DENND1A: variants seen among roughly 807,000 people sequenced by gnomAD.
DENND1A encodes DENN domain containing 1A, also known as DENN domain-containing protein 1A.
In DENND1A, 51 loss-of-function variants were observed where a neutral mutation model predicts 113.7. That is an observed-to-expected ratio of 0.45 (90% CI 0.36 to 0.57). The LOEUF (loss-of-function observed/expected upper bound fraction) is 0.57. Among genes scored for constraint, DENND1A ranks in the 20% least tolerant of loss-of-function variants. DENND1A has a pLI of 0.00. For missense variants in DENND1A, 1,258 were observed against 1,395.9 expected, an observed-to-expected ratio of 0.90 and a Z score of 1.57; for synonymous variants, 565 against 570.8, an observed-to-expected ratio of 0.99 and a Z score of 0.14.
intron 11 of DENND1A, among the ~76,000 whole-genome samples, chr9:123,599,964 A>G (rs1161789509): frequency 1.3e-5 from 2 of 152,144 alleles, no homozygotes; most frequent in East Asian, 3.9e-4. Context: ...AAACAAAACC[A>G]CATGCGCCCA....
intron 13 of DENND1A, among the ~76,000 whole-genome samples, chr9:123,513,952 A>T (rs1040289560): frequency 4.6e-5 from 7 of 152,132 alleles, no homozygotes; most frequent in African/African-American, 1.2e-4. Context: ...ACTGTTTGCA[A>T]AGTGCTGGTC....
At chr9:123,653,752 A>C (rs1444251599) in intron 8 of DENND1A, among the ~76,000 whole-genome samples, 1 of 152,070 alleles carries the variant, frequency 6.6e-6, no homozygotes, top group East Asian at 1.9e-4. Flanking sequence ...GCCTAAAGAA[A>C]GGAAAATGCT....
At chr9:123,413,206 T>G (rs1331737626) in intron 19 of DENND1A, 1 of 194,608 alleles carries the variant, frequency 5.1e-6, no homozygotes, top group Non-Finnish European at 9.3e-6. Flanking sequence ...AAACACGTGC[T>G]ATAAGTGCAA....
At position 123,547,494 on chromosome 9, in the gene DENND1A, A is replaced by C. The variant is rs145811458; in HGVS notation, c.993+10076T>G. On this transcript the variant is annotated intron_variant, in intron 13 of 23. Coordinates refer to ENST00000394215, the MANE Select transcript of DENND1A (RefSeq NM_001352964.2). ...TGGTGAGCTGAGATGTCGCCATTGCACTCCAGCCTGGGCAACAAGAGTGAA... is the reference window on the plus strand; with the variant it reads ...TGGTGAGCTGAGATGTCGCCATTGCCCTCCAGCCTGGGCAACAAGAGTGAA... Among the ~76,000 whole-genome samples, 889 of 152,272 alleles carry C rather than the reference A, an allele frequency of 5.8e-3. 12 individuals carry two copies. The highest frequency in any genetic ancestry group is 0.043 in the South Asian group (206 of 4,816).
intron 2 of DENND1A, among the ~76,000 whole-genome samples, chr9:123,874,867 G>A (rs532507351): frequency 2.2e-4 from 34 of 152,262 alleles, no homozygotes; most frequent in African/African-American, 7.2e-4. Context: ...GTAAAAGTAT[G>A]GCATGATTCA....
At chr9:123,556,062 G>T (rs16926619) in intron 13 of DENND1A, among the ~76,000 whole-genome samples, 1 of 152,310 alleles carries the variant, frequency 6.6e-6, no homozygotes, top group Admixed American at 6.5e-5. Flanking sequence ...ACCCAAGATC[G>T]TGACAAGTAA....
intron 9 of DENND1A, among the ~76,000 whole-genome samples, chr9:123,634,602 G>A (rs2061621220): frequency 6.6e-6 from 1 of 152,178 alleles, no homozygotes; most frequent in South Asian, 2.1e-4. Flanking sequence ...TATGTAATTT[G>A]GAGTGTAGTC....
intron 2 of DENND1A, among the ~76,000 whole-genome samples, chr9:123,842,196 T>C (rs1026848081): frequency 2.0e-5 from 3 of 152,190 alleles, no homozygotes; most frequent in Non-Finnish European, 4.4e-5. Context: ...AAGGAAAGAC[T>C]GAGTCTGTCT....
At chr9:123,897,945 G>GAA (rs745985411) in intron 1 of DENND1A, among the ~76,000 whole-genome samples, 9 of 113,788 alleles carry the variant, frequency 7.9e-5, no homozygotes, top group African/African-American at 1.6e-4. Context: ...GTCTCAAGCG[G>GAA]AAAAAAAAAA....
chr9:123,396,342 C>G (rs1325967393), intron 21 of DENND1A, among the ~76,000 whole-genome samples: 1 of 152,246 alleles, frequency 6.6e-6, no homozygotes, highest in Non-Finnish European at 1.5e-5. Context: ...TGCCCATGCA[C>G]CAGGCCGCCA....
intron 21 of DENND1A, chr9:123,401,464 C>A: frequency 8.8e-7 from 1 of 1,140,860 alleles, no homozygotes; most frequent in Non-Finnish European, 1.1e-6. Context: ...AACAGAAACC[C>A]TTGGAATGAT....
intron 5 of DENND1A, among the ~76,000 whole-genome samples, chr9:123,692,391 T>G (rs2140419912): frequency 6.6e-6 from 1 of 152,346 alleles, no homozygotes; most frequent in East Asian, 1.9e-4. Context: ...AAGAGTGGGC[T>G]GGGCCAATAG....
intron 2 of DENND1A, among the ~76,000 whole-genome samples, chr9:123,862,326 G>C (rs1845172755): frequency 6.6e-6 from 1 of 152,120 alleles, no homozygotes; most frequent in Non-Finnish European, 1.5e-5. Flanking sequence ...CCTGAGTCCG[G>C]AACACAGCTG....
chr9:123,749,995 G>C (rs1335603154), intron 5 of DENND1A, among the ~76,000 whole-genome samples: 1 of 152,196 alleles, frequency 6.6e-6, no homozygotes, highest in African/African-American at 2.4e-5. Context: ...TTGCTTGAGG[G>C]AAGGCTGTGC....
chr9:123,516,810 G>A (rs1044169151), intron 13 of DENND1A, among the ~76,000 whole-genome samples: 1 of 141,646 alleles, frequency 7.1e-6, no homozygotes. Flanking sequence ...CTTGAACCCG[G>A]GAGGCAGAAG....
intron 21 of DENND1A, among the ~76,000 whole-genome samples, chr9:123,391,670 T>C (rs1351521315): frequency 1.4e-5 from 2 of 142,738 alleles, no homozygotes; most frequent in Non-Finnish European, 3.0e-5. Context: ...TGTTCTCCCA[T>C]GAAACATACA....
intron 13 of DENND1A, among the ~76,000 whole-genome samples, chr9:123,551,774 C>G (rs751577751): frequency 9.2e-5 from 14 of 152,152 alleles, no homozygotes; most frequent in Non-Finnish European, 1.5e-4. Flanking sequence ...ACCAGGGAGC[C>G]AACACTGGCC....
chr9:123,409,730 G>C (rs1035662482), intron 20 of DENND1A, among the ~76,000 whole-genome samples: 3 of 152,088 alleles, frequency 2.0e-5, no homozygotes, highest in Non-Finnish European at 4.4e-5. Flanking sequence ...TAAAATCCTA[G>C]GCAAGTGATG....
Position 123,581,807 on chromosome 9 carries a change from C to T in DENND1A, c.867+1362G>A, listed in dbSNP as rs568691098. ...CACCACATGGCCAGGAACAACAACCCGTTTCACTCTGGAAGTCAGGATAAC... is the reference window on the plus strand; with the variant it reads ...CACCACATGGCCAGGAACAACAACCTGTTTCACTCTGGAAGTCAGGATAAC... On this transcript the variant is annotated intron_variant, in intron 12 of 23. Coordinates refer to ENST00000394215, the MANE Select transcript of DENND1A (RefSeq NM_001352964.2). Among the ~76,000 whole-genome samples the T allele has an allele frequency of 5.3e-5, 8 of 152,214 alleles. No individual in the cohort carries two copies. In the East Asian group the frequency reaches 1.4e-3, roughly 26 times the overall value.
Sources: gnomAD v4.1 joint callset for allele counts (sites outside exome capture counted in the v4.1 genomes callset) on GRCh38, gnomAD v4.1.1 for gene constraint, MANE v1.5 for transcripts, NCBI Gene and HGNC (gene_info 2026-07-23, HGNC 2026-07-21) for gene names.